DDAH1: variants seen among roughly 807,000 people sequenced by gnomAD.
DDAH1 encodes N(G),N(G)-dimethylarginine dimethylaminohydrolase 1.
Under a neutral mutation model 28.8 loss-of-function variants are expected in DDAH1, and 19 were observed. The ratio of observed to expected loss-of-function variants is 0.66; its 90% CI spans 0.46 to 0.97. DDAH1 has a LOEUF of 0.97. Among genes scored for constraint, DDAH1 ranks in the 50% least tolerant of loss-of-function variants. The pLI, the probability that DDAH1 is intolerant of heterozygous loss-of-function variation, is 0.00. For synonymous variants in DDAH1, 153 were observed against 154.4 expected (o/e 0.99, Z 0.07); for missense variants, 326 against 375.9 (o/e 0.87, Z 1.10).
chr1:85,480,655 G>GA (rs1394436702), intron 2 of DDAH1, among the ~76,000 whole-genome samples: 1 of 152,166 alleles, frequency 6.6e-6, no homozygotes, highest in Non-Finnish European at 1.5e-5. Context: ...TAAGGGATGA[G>GA]AATCACTTGA....
upstream of DDAH1, among the ~76,000 whole-genome samples, chr1:85,466,930 G>C (rs1046956626): frequency 1.6e-5 from 2 of 127,916 alleles, no homozygotes; most frequent in South Asian, 2.5e-4. Flanking sequence ...CTCTGCAACC[G>C]GGGTTCAAGT....
chr1:85,409,117 T>G (rs1652530760), intron 1 of DDAH1, among the ~76,000 whole-genome samples: 1 of 152,056 alleles, frequency 6.6e-6, no homozygotes, highest in African/African-American at 2.4e-5. Context: ...TCTTAAAACA[T>G]TATGAGATTT....
chr1:85,462,196 A>G (rs1241321), intron 1 of DDAH1, among the ~76,000 whole-genome samples: 48,768 of 152,000 alleles, frequency 0.32, 7,859 homozygotes, highest in South Asian at 0.41. Context: ...GAGTACCCGG[A>G]CAAAATAAAA....
At chr1:85,396,491 C>T (rs542838745) in intron 1 of DDAH1, among the ~76,000 whole-genome samples, 24 of 152,162 alleles carry the variant, frequency 1.6e-4, no homozygotes, top group African/African-American at 5.3e-4. Context: ...AAGAAGACAC[C>T]AAGCCATTCA....
chr1:85,507,527 T>TAAATTAATAAACAAAC, intron 1 of DDAH1, among the ~76,000 whole-genome samples: 1 of 149,364 alleles, frequency 6.7e-6, no homozygotes, highest in East Asian at 2.0e-4. Flanking sequence ...AATAAATAAA[T>TAAATTAATAAACAAAC]AAACAAACAA....
At chr1:85,369,224 T>A (rs1282412760) in intron 1 of DDAH1, among the ~76,000 whole-genome samples, 33 of 102,684 alleles carry the variant, frequency 3.2e-4, no homozygotes, top group African/African-American at 1.1e-3. Flanking sequence ...AATGGCCAAT[T>A]TTTTTTTTTT....
intron 1 of DDAH1, among the ~76,000 whole-genome samples, chr1:85,379,403 C>T (rs978689471): frequency 1.3e-5 from 2 of 152,116 alleles, no homozygotes; most frequent in South Asian, 4.1e-4. Context: ...AGCTTCATAA[C>T]AAGTCCATGA....
At chr1:85,423,235 T>C (rs944267131) in intron 1 of DDAH1, among the ~76,000 whole-genome samples, 3 of 152,360 alleles carry the variant, frequency 2.0e-5, no homozygotes, top group African/African-American at 7.2e-5. Flanking sequence ...TTCAGTATTA[T>C]GTTAGCTATT....
In DDAH1 at chr1:85,464,343, C is replaced by G. The variant is rs746657523; in HGVS notation, c.303+400G>C. On this transcript the variant is annotated intron_variant, in intron 1 of 5. Coordinates refer to ENST00000284031, the MANE Select transcript of DDAH1 (RefSeq NM_012137.4). This position sits in a 1 kb window ranked among gnomAD's most constrained non-coding sequence, Gnocchi z 4.4. ...TTCGGTGTCACGACTGGCGCTGCCC[C>G]CTGGAGGGACGCCCAGCCTCCACCC... Among the ~76,000 whole-genome samples the G allele has an allele frequency of 1.8e-4, 28 of 152,296 alleles. No homozygotes were observed. The highest frequency in any genetic ancestry group is 3.4e-3 in the Middle Eastern group (1 of 294).
At chr1:85,518,972 C>G (rs1305544406) in intron 1 of DDAH1, among the ~76,000 whole-genome samples, 1 of 151,676 alleles carries the variant, frequency 6.6e-6, no homozygotes, top group East Asian at 1.9e-4. Flanking sequence ...TGAGATAGAA[C>G]TGTGTTACTG....
At chr1:85,512,387 A>G (rs1657276164) in intron 1 of DDAH1, among the ~76,000 whole-genome samples, 1 of 152,198 alleles carries the variant, frequency 6.6e-6, no homozygotes, top group Admixed American at 6.5e-5. Context: ...ACCCATAACC[A>G]ATATCATACT....
intron 1 of DDAH1, among the ~76,000 whole-genome samples, chr1:85,445,330 G>A (rs545364726): frequency 1.3e-5 from 2 of 152,062 alleles, no homozygotes; most frequent in African/African-American, 4.8e-5. Flanking sequence ...ACTAGGTTAC[G>A]AGGATGAATT....
upstream of DDAH1, among the ~76,000 whole-genome samples, chr1:85,466,108 G>A (rs571472758): frequency 3.3e-5 from 5 of 152,342 alleles, no homozygotes; most frequent in South Asian, 1.0e-3. Context: ...TCTAGGAGCA[G>A]GTCTCTCTGA....
intron 1 of DDAH1, among the ~76,000 whole-genome samples, chr1:85,378,674 G>A (rs999616726): frequency 1.3e-5 from 2 of 152,198 alleles, no homozygotes; most frequent in Non-Finnish European, 2.9e-5. Flanking sequence ...CTCCCAATGT[G>A]CTGGGATTAT....
At chr1:85,558,581 G>T (rs1008042337) in intron 1 of DDAH1, among the ~76,000 whole-genome samples, 7 of 152,026 alleles carry the variant, frequency 4.6e-5, no homozygotes, top group Non-Finnish European at 8.8e-5. Flanking sequence ...TATGTTTTTT[G>T]ATTTTATTGC....
rs541928384 is a variant in DDAH1, at chr1:85,400,904, T to C, written c.304-42057A>G. Among the ~76,000 whole-genome samples the C allele has an allele frequency of 3.9e-5, 6 of 152,302 alleles. No individual in the cohort carries two copies. The East Asian group carries it at 1.2e-3, about 29-fold the overall frequency. On this transcript the variant is annotated intron_variant, in intron 1 of 5. Coordinates refer to ENST00000284031, the MANE Select transcript of DDAH1 (RefSeq NM_012137.4). Reference sequence around the variant, plus strand: ...TTTGATTGGTTCTACCTTTATTATATATATCCTTCCAAGCTGCCTTCTATC... The same window carrying C: ...TTTGATTGGTTCTACCTTTATTATACATATCCTTCCAAGCTGCCTTCTATC...
intron 1 of DDAH1, among the ~76,000 whole-genome samples, chr1:85,438,309 AC>A (rs1654033353): frequency 6.6e-6 from 1 of 152,104 alleles, no homozygotes; most frequent in African/African-American, 2.4e-5. Context: ...CTGAACATGG[AC>A]CCCCTGAACC....
At chr1:85,328,842 G>T (rs925402630) in intron 4 of DDAH1, among the ~76,000 whole-genome samples, 4 of 152,202 alleles carry the variant, frequency 2.6e-5, no homozygotes, top group African/African-American at 9.7e-5. Context: ...GGAAAACTGT[G>T]TGTGGCATAT....
chr1:85,470,171 A>G (rs1263568530), intron 2 of DDAH1, among the ~76,000 whole-genome samples: 1 of 152,204 alleles, frequency 6.6e-6, no homozygotes, highest in Admixed American at 6.5e-5. Flanking sequence ...GCTGATAAAG[A>G]CATACCCGAG....
Sources: gnomAD v4.1 joint callset for allele counts (sites outside exome capture counted in the v4.1 genomes callset) on GRCh38, gnomAD v4.1.1 for gene constraint, Gnocchi (gnomAD v3.1) non-coding constraint, MANE v1.5 for transcripts, NCBI Gene and HGNC (gene_info 2026-07-23, HGNC 2026-07-21) for gene names.